ARHGAP27: variants seen among roughly 807,000 people sequenced by gnomAD.
ARHGAP27 encodes rho GTPase-activating protein 27.
In ARHGAP27, 53 loss-of-function variants were observed where a neutral mutation model predicts 102.0. The ratio of observed to expected loss-of-function variants is 0.52; its 90% CI spans 0.42 to 0.65. The LOEUF (loss-of-function observed/expected upper bound fraction) is 0.65. Ranked by LOEUF, ARHGAP27 falls within the 30% of genes least tolerant of loss-of-function variation. ARHGAP27 has a pLI of 0.00. For synonymous variants in ARHGAP27, 525 were observed against 542.8 expected (o/e 0.97, Z 0.46); for missense variants, 1,117 against 1,256.2 (o/e 0.89, Z 1.68).
Position 45,396,516 on chromosome 17 carries a change from T to C in ARHGAP27, c.2144A>G (p.Gln715Arg). The C allele has an allele frequency of 6.4e-7, 1 of 1,571,936 alleles. No homozygotes were observed. Among genetic ancestry groups the C allele is most frequent in the Non-Finnish European group, 8.6e-7 (1 of 1,164,862 alleles). ...GGCCTCGACGGCGCGGATGCACTGC[T>C]GCACGAAGCGTGGCACCCGGCTCCT... ...RERSRVPRFV[Q>R]QCIRAVEARG... The change falls in exon 16 of 20, where the codon CAG becomes CGG. Residue 715 changes from glutamine to arginine, a missense_variant. Transcript: ENST00000685559.
At chr17:45,403,756 C>A (rs2046765415) in intron 10 of ARHGAP27, 47 bp from the exon 11 acceptor site, 10 of 1,534,400 alleles carry the variant, frequency 6.5e-6, no homozygotes, top group Non-Finnish European at 9.0e-6. Flanking sequence ...AGATTTGGTC[C>A]TGGGCTGAGG....
chr17:45,418,147 G>A (rs762033232), intron 4 of ARHGAP27, among the ~76,000 whole-genome samples: 4 of 149,758 alleles, frequency 2.7e-5, no homozygotes, highest in South Asian at 2.1e-4. Context: ...GTCTCACTGC[G>A]TTTTTCAGGC....
intron 12 of ARHGAP27, 75 bp from the exon 13 acceptor site, chr17:45,398,122 G>C: frequency 7.7e-7 from 1 of 1,298,478 alleles, no homozygotes; most frequent in Non-Finnish European, 1.1e-6. Flanking sequence ...GTTGGGGGTA[G>C]GTACAGAGAT....
rs1330763956 is a variant in ARHGAP27, at chr17:45,430,956, G to C, written c.-18-659C>G. Among the ~76,000 whole-genome samples, 2 of 152,010 alleles carry C rather than the reference G, an allele frequency of 1.3e-5. No individual in the cohort carries two copies. The highest frequency in any genetic ancestry group is 2.4e-5 in the African/African-American group (1 of 41,386). ...CAATGCAGGGGAACCGGTTCTCTCG[G>C]TTTCTCTTTCCTTCCCCAGCTGCAT... On this transcript the variant is annotated intron_variant, in intron 3 of 19. Transcript: ENST00000685559. This position sits in a 1 kb window ranked among gnomAD's most constrained non-coding sequence, Gnocchi z 4.4.
intron 4 of ARHGAP27, among the ~76,000 whole-genome samples, chr17:45,413,758 A>G (rs991759282): frequency 1.3e-4 from 20 of 152,018 alleles, no homozygotes; most frequent in African/African-American, 4.6e-4. Context: ...CTTGTGCTCT[A>G]AGTAAGGCTG....
rs775990565 is a variant in ARHGAP27, at chr17:45,404,469, G to A, written c.1389C>T (p.Ala463=). 35 of 1,613,840 alleles carry A rather than the reference G, an allele frequency of 2.2e-5. 1 individual carries two copies. The South Asian group carries it at 3.5e-4, about 16-fold the overall frequency. ...HKSSQDGDTP[A]QASPPEEKVP... is the part of the protein sequence containing the mutation. Reference sequence around the variant, plus strand: ...CCTTCTCCTCTGGAGGGCTGGCCTGGGCTGGGGTGTCACCATCCTGGCTGG... The same window carrying A: ...CCTTCTCCTCTGGAGGGCTGGCCTGAGCTGGGGTGTCACCATCCTGGCTGG... Residue 463 remains alanine, a synonymous_variant, in exon 8 of 20, where the codon GCC becomes GCT. Coordinates refer to ENST00000685559, the MANE Select transcript of ARHGAP27 (RefSeq NM_001282290.2).
chr17:45,396,308 C>G (rs1472529859), intron 16 of ARHGAP27, 24 bp from the exon 17 acceptor site: 9 of 1,595,358 alleles, frequency 5.6e-6, no homozygotes, highest in Non-Finnish European at 7.7e-6. Flanking sequence ...AGGCGCTGAT[C>G]CCGGGTTCAG....
In ARHGAP27 at chr17:45,404,540, G is replaced by C. The variant is rs757799804; in HGVS notation, c.1330-12C>G. On this transcript the variant is annotated splice_polypyrimidine_tract_variant and intron_variant, in intron 7 of 19. Coordinates refer to ENST00000685559, the MANE Select transcript of ARHGAP27 (RefSeq NM_001282290.2). Reference sequence around the variant, plus strand: ...GCAGGGACAGGGACCTGGGGAGAAAGACACAGTCGTATATGATCTCTTCCT... The same window carrying C: ...GCAGGGACAGGGACCTGGGGAGAAACACACAGTCGTATATGATCTCTTCCT... 1.9e-6 allele frequency: 3 copies of C among 1,613,426 alleles called. No individual in the cohort carries two copies. The highest frequency in any genetic ancestry group is 2.2e-5 in the South Asian group (2 of 91,034).
intron 12 of ARHGAP27, among the ~76,000 whole-genome samples, chr17:45,400,613 C>G (rs1465043850): frequency 1.3e-5 from 2 of 152,172 alleles, no homozygotes; most frequent in Non-Finnish European, 2.9e-5. Context: ...AGAAACATGA[C>G]TAGCACAGGT....
chr17:45,429,647 C>G lies in ARHGAP27; in HGVS notation c.633G>C (p.Pro211=). The G allele has an allele frequency of 2.5e-6, 4 of 1,580,548 alleles. No individual in the cohort carries two copies. The highest frequency in any genetic ancestry group is 2.3e-5 in the East Asian group (1 of 43,120). ...CCTGCTCTGCGCTCTCCTCCGGCGG[C>G]GGGACGTGCAAGTCCTGGATGACCT... is the stretch of plus-strand genomic sequence containing the variant. ...VYEVIQDLHV[P]PPEESAEQVD... The change falls in exon 4 of 20, where the codon CCG becomes CCC. Residue 211 remains proline, a synonymous_variant. Transcript: ENST00000685559.
chr17:45,424,556 T>C (rs2049359332), intron 4 of ARHGAP27, among the ~76,000 whole-genome samples: 1 of 151,924 alleles, frequency 6.6e-6, no homozygotes, highest in Non-Finnish European at 1.5e-5. Context: ...CTCCCTGTAC[T>C]GGACGCAGTC....
At chr17:45,414,942 G>A (rs2048312863) in intron 4 of ARHGAP27, among the ~76,000 whole-genome samples, 2 of 145,114 alleles carry the variant, frequency 1.4e-5, no homozygotes, top group Admixed American at 1.4e-4. Flanking sequence ...GGTGGCAGTT[G>A]CCTGTAGTCC....
chr17:45,405,563 C>A, intron 5 of ARHGAP27, 113 bp downstream of exon 5: 5 of 1,356,210 alleles, frequency 3.7e-6, no homozygotes, highest in Non-Finnish European at 4.9e-6. Flanking sequence ...TCAGAGGTAG[C>A]CCCGCCCACC....
rs1165040962 is a variant in ARHGAP27, at chr17:45,396,988, T to C, written c.1879A>G (p.Arg627Gly). 4.4e-6 allele frequency: 7 copies of C among 1,604,916 alleles called. No individual in the cohort carries two copies. The East Asian group carries it at 8.9e-5, about 20-fold the overall frequency. ...ELPPEESESS[R>G]VDFGSSERLG... is the part of the protein sequence containing the mutation. ...CGCTCGCTCGACCCGAAGTCCACTC[T>C]GCTGCTCTCGCTCTCCTCTGGGGGC... Residue 627 changes from arginine (R) to glycine (G), a missense_variant, in exon 14 of 20, where the codon AGA becomes GGA. Coordinates refer to ENST00000685559, the MANE Select transcript of ARHGAP27 (RefSeq NM_001282290.2).
rs1415660176 is a variant in ARHGAP27, at chr17:45,432,227, C to T, written c.-162G>A. 1 of 157,714 alleles carries T rather than the reference C, an allele frequency of 6.3e-6. No individual in the cohort carries two copies. The highest frequency in any genetic ancestry group is 1.4e-5 in the Non-Finnish European group (1 of 69,728). The allele number at this position is 157,714 out of a possible 1,614,324, so 9.8% of individuals were successfully genotyped here. A position where few individuals can be genotyped will look rare whatever the true frequency, so the allele number is the denominator to read the frequency against. Reference sequence around the variant, plus strand: ...ACCTCTTCCCTCACCAGGGCCTTTCCCGGAGCAGCCCGGCCGGGCCTGGAA... The same window carrying T: ...ACCTCTTCCCTCACCAGGGCCTTTCTCGGAGCAGCCCGGCCGGGCCTGGAA... On this transcript the variant is annotated 5_prime_UTR_variant, in exon 2 of 20. Transcript: ENST00000685559.
At chr17:45,418,063 C>G (rs911573825) in intron 4 of ARHGAP27, among the ~76,000 whole-genome samples, 1 of 145,900 alleles carries the variant, frequency 6.9e-6, no homozygotes, top group Non-Finnish European at 1.5e-5. Context: ...AATTTTTTTA[C>G]TTTTCTTCAT....
At chr17:45,421,734 A>G (rs536434701) in intron 4 of ARHGAP27, among the ~76,000 whole-genome samples, 5 of 152,314 alleles carry the variant, frequency 3.3e-5, no homozygotes, top group African/African-American at 7.2e-5. Flanking sequence ...GATCAGAGGG[A>G]AAAAAACTGC....
In ARHGAP27 at chr17:45,429,726, C is replaced by T. The variant is rs772160269; in HGVS notation, c.554G>A (p.Gly185Asp). ...CAGAGGCCGCGGGCACACCCAGGAG[C>T]CCGCCACGCTGCAGGCCTTGAAGCT... ...SGSFKACSVA[G>D]SWVCPRPLAR... Residue 185 changes from glycine (G) to aspartate (D), a missense_variant, in exon 4 of 20, where the codon GGC becomes GAC. Around this residue, in one of 3 missense-constraint regions of ARHGAP27, gnomAD observed 610 missense variants for 716.4 expected, o/e 0.85. Coordinates refer to ENST00000685559, the MANE Select transcript of ARHGAP27 (RefSeq NM_001282290.2). 1.9e-6 allele frequency: 3 copies of T among 1,544,336 alleles called. No homozygotes were observed. Among genetic ancestry groups the T allele is most frequent in the South Asian group, 2.4e-5 (2 of 84,146 alleles).
chr17:45,413,418 T>C (rs969418484), intron 4 of ARHGAP27, among the ~76,000 whole-genome samples: 2 of 152,144 alleles, frequency 1.3e-5, no homozygotes, highest in South Asian at 2.1e-4. Flanking sequence ...AGACTTGGAC[T>C]CTTGTCTAGA....
Sources: allele counts gnomAD v4.1 joint callset (sites outside exome capture counted in the v4.1 genomes callset), GRCh38; gene constraint gnomAD v4.1.1; regional missense constraint gnomAD v4.1.1; non-coding constraint Gnocchi (gnomAD v3.1); transcripts MANE v1.5; gene names NCBI Gene and HGNC (gene_info 2026-07-23, HGNC 2026-07-21).